Variants in ZBTB44 observed in about 807,000 individuals in gnomAD.
The protein encoded by ZBTB44 is zinc finger and BTB domain containing 44, also known as zinc finger and BTB domain-containing protein 44.
ZBTB44 carries 15 observed loss-of-function variants against 54.0 expected under a neutral mutation model. The ratio of observed to expected loss-of-function variants is 0.28; its 90% confidence interval spans 0.19 to 0.43. ZBTB44 has a LOEUF of 0.43. Among genes scored for constraint, ZBTB44 ranks in the 20% least tolerant of loss-of-function variants. ZBTB44 has a pLI of 1.00. For synonymous variants in ZBTB44, 230 were observed against 250.1 expected (o/e 0.92, Z 0.76); for missense variants, 487 against 707.1 (o/e 0.69, Z 3.53).
intron 1 of ZBTB44, among the ~76,000 whole-genome samples, chr11:130,300,978 ACTCT>A (rs1941956866): frequency 1.3e-5 from 2 of 150,708 alleles, no homozygotes; most frequent in African/African-American, 5.0e-5. Flanking sequence ...TTCCCTTGTT[ACTCT>A]CTCAGATTTT....
rs1455711473 is a variant in ZBTB44 at position 130,261,854 on chromosome 11, G to A, written c.20C>T (p.Thr7Ile). The change falls in exon 2 of 8, where the codon ACT (threonine) becomes ATT (isoleucine). Residue 7 changes from threonine to isoleucine, a missense_variant. Coordinates refer to ENST00000357899, the MANE Select transcript of ZBTB44 (RefSeq NM_001301098.2). This position sits in a 1 kb window ranked among gnomAD's most constrained non-coding sequence, Gnocchi z 4.8. Reference sequence around the variant, plus strand: ...CTGGCTGTGGGAAGAGGAGCTATGAGTAAATGTTTTCACACCCATCTTTTA... The same window carrying A: ...CTGGCTGTGGGAAGAGGAGCTATGAATAAATGTTTTCACACCCATCTTTTA... MGVKTFTHSSSSHSQEM... is the reference protein window; with the variant it reads MGVKTFIHSSSSHSQEM... The A allele has an allele frequency of 6.2e-7, 1 of 1,608,650 alleles. No homozygotes were observed. Among genetic ancestry groups the A allele is most frequent in the African/African-American group, 1.3e-5 (1 of 74,982 alleles).
intron 1 of ZBTB44, among the ~76,000 whole-genome samples, chr11:130,267,344 T>C (rs1187138625): frequency 6.6e-6 from 1 of 152,072 alleles, no homozygotes; most frequent in Admixed American, 6.6e-5. Flanking sequence ...AGCATAAAAG[T>C]GCAAGGTAAA....
chr11:130,295,572 C>A, intron 1 of ZBTB44: 1 of 700,110 alleles, frequency 1.4e-6, no homozygotes, highest in South Asian at 1.6e-5. Flanking sequence ...CTCACAGGAG[C>A]ATTTGAGGAT....
chr11:130,244,180 G>A (rs1954524811), intron 2 of ZBTB44, among the ~76,000 whole-genome samples: 1 of 152,126 alleles, frequency 6.6e-6, no homozygotes. Context: ...CAGTTTAAAA[G>A]TGAATTTTTA....
chr11:130,262,070 T>TATAGAATATATTTCTATA, intron 1 of ZBTB44, 141 bp from the exon 2 acceptor site: 1 of 618,522 alleles, frequency 1.6e-6, no homozygotes, highest in Admixed American at 3.2e-5. Flanking sequence ...AGGGACTGTA[T>TATAGAATATATTTCTATA]AGAAATATAT....
At chr11:130,263,709 T>C (rs1423946960) in intron 1 of ZBTB44, among the ~76,000 whole-genome samples, 3 of 152,196 alleles carry the variant, frequency 2.0e-5, no homozygotes, top group Non-Finnish European at 4.4e-5. Context: ...TGGAAAACTA[T>C]TTTCAACCTT....
intron 1 of ZBTB44, among the ~76,000 whole-genome samples, 156 bp from the exon 2 acceptor site, chr11:130,262,085 C>T (rs567419187): frequency 9.2e-5 from 14 of 152,218 alleles, no homozygotes; most frequent in Non-Finnish European, 1.3e-4. Flanking sequence ...ATATATTCTC[C>T]TTATCTGCCT....
chr11:130,291,820 T>A (rs1369222433), intron 1 of ZBTB44, among the ~76,000 whole-genome samples: 2 of 152,222 alleles, frequency 1.3e-5, no homozygotes, highest in African/African-American at 4.8e-5. Context: ...CCTGATATAA[T>A]TCATGTACAA....
At chr11:130,253,997 G>A (rs1938232960) in intron 2 of ZBTB44, among the ~76,000 whole-genome samples, 1 of 152,098 alleles carries the variant, frequency 6.6e-6, no homozygotes, top group African/African-American at 2.4e-5. Context: ...AATGGTGCTG[G>A]GAAAACTGGC....
chr11:130,249,766 G>A (rs112108345), intron 2 of ZBTB44, among the ~76,000 whole-genome samples: 1,932 of 152,348 alleles, frequency 0.013, 17 homozygotes, highest in Middle Eastern at 0.02. Context: ...GCAATCCGCA[G>A]ACCAGGAGAT....
chr11:130,307,002 A>G (rs1942302679), intron 1 of ZBTB44, among the ~76,000 whole-genome samples: 2 of 151,364 alleles, frequency 1.3e-5, no homozygotes, highest in Admixed American at 6.6e-5. Flanking sequence ...GAACTTATCC[A>G]TATAGCCAAA....
rs758869525 is a variant in ZBTB44, at chr11:130,234,200, C to T, written c.1642G>A (p.Gly548Ser). The change falls in exon 6 of 8, where the codon GGT (glycine) becomes AGT (serine). Residue 548 changes from glycine to serine, a missense_variant. Coordinates refer to ENST00000357899, the MANE Select transcript of ZBTB44 (RefSeq NM_001301098.2). ...TGAACAGAGGAGTTGCTTTCAAAAC[C>T]GTGTTCTCCAAGATCATATTGAACA... ...TLVQYDLGEH[G>S]FESNSSVQMP... 33 of 1,526,116 alleles carry T rather than the reference C, an allele frequency of 2.2e-5. No homozygotes were observed. The East Asian group carries it at 2.7e-4, about 12-fold the overall frequency. 94.5% of individuals were successfully genotyped at this position (1,526,116 alleles called of 1,614,324 possible).
intron 1 of ZBTB44, 98 bp from the exon 2 acceptor site, chr11:130,262,027 T>C (rs1029347939): frequency 8.8e-6 from 8 of 904,398 alleles, no homozygotes; most frequent in African/African-American, 1.7e-5. Flanking sequence ...ATTAAAAAGC[T>C]GAAAGATGGT....
intron 1 of ZBTB44, among the ~76,000 whole-genome samples, chr11:130,298,057 A>C (rs1344832615): frequency 6.6e-6 from 1 of 152,226 alleles, no homozygotes; most frequent in Non-Finnish European, 1.5e-5. Flanking sequence ...AGTATTATCA[A>C]AGATAGAGGT....
At chr11:130,250,612 C>T (rs1040778603) in intron 2 of ZBTB44, among the ~76,000 whole-genome samples, 19 of 152,178 alleles carry the variant, frequency 1.2e-4, no homozygotes, top group Non-Finnish European at 2.8e-4. Context: ...GTTCTGCAGC[C>T]TCCGCTGGTG....
chr11:130,293,728 G>A (rs1941454262), intron 1 of ZBTB44, among the ~76,000 whole-genome samples: 1 of 151,732 alleles, frequency 6.6e-6, no homozygotes, highest in African/African-American at 2.4e-5. Flanking sequence ...CCTGGGAGGC[G>A]GAGGTTGCCG....
At chr11:130,231,837 T>A (rs932652765) in intron 7 of ZBTB44, 122 bp from the exon 8 acceptor site, 4 of 152,188 alleles carry the variant, frequency 2.6e-5, no homozygotes, top group Admixed American at 2.6e-4. Context: ...CAACGTAACA[T>A]TAAAATTCCT....
At chr11:130,268,906 A>AG (rs1939467229) in intron 1 of ZBTB44, among the ~76,000 whole-genome samples, 1 of 151,656 alleles carries the variant, frequency 6.6e-6, no homozygotes, top group Admixed American at 6.6e-5. Context: ...AGAGAGAGAG[A>AG]AAAAAAGAAA....
chr11:130,261,670 G>A lies in ZBTB44; in HGVS notation c.204C>T (p.Asn68=), dbSNP rs146574096. 1.2e-6 allele frequency: 2 copies of A among 1,613,864 alleles called. No individual in the cohort carries two copies. Among genetic ancestry groups the A allele is most frequent in the African/African-American group, 2.7e-5 (2 of 74,918 alleles). ...CATGATGCAGATCCAACACATTCTTGTTCTCATCCTCGGCTTGGCCTACAA... is the reference window on the plus strand; with the variant it reads ...CATGATGCAGATCCAACACATTCTTATTCTCATCCTCGGCTTGGCCTACAA... The part of the protein sequence containing the change: ...TKLVGQAEDE[N]KNVLDLHHVT... The change falls in exon 2 of 8, where the codon AAC becomes AAT. Residue 68 remains asparagine (N), a synonymous_variant. Transcript: ENST00000357899. This position sits in a 1 kb window ranked among gnomAD's most constrained non-coding sequence, Gnocchi z 4.8.
Sources: allele counts gnomAD v4.1 joint callset (sites outside exome capture counted in the v4.1 genomes callset), GRCh38; gene constraint gnomAD v4.1.1; non-coding constraint Gnocchi (gnomAD v3.1); transcripts MANE v1.5; gene names NCBI Gene and HGNC (gene_info 2026-07-23, HGNC 2026-07-21).